The following LRMDA variants were observed in gnomAD, a reference collection of about 807,000 sequenced individuals.
The protein encoded by LRMDA is leucine-rich melanocyte differentiation-associated protein.
Under a neutral mutation model 29.8 loss-of-function variants are expected in LRMDA, and 18 were observed. The ratio of observed to expected loss-of-function variants is 0.60; its 90% CI spans 0.42 to 0.90. The LOEUF is 0.90. LRMDA is among the 40% of genes least tolerant of loss of function. The pLI, the probability that LRMDA is intolerant of heterozygous loss-of-function variation, is 0.00. For synonymous variants in LRMDA, 125 were observed against 109.4 expected, an observed-to-expected ratio of 1.14 and a Z score of -0.89; for missense variants, 273 against 273.9, an observed-to-expected ratio of 1.00 and a Z score of 0.02.
chr10:75,768,842 G>A (rs1027542460), intron 2 of LRMDA, among the ~76,000 whole-genome samples: 1 of 152,128 alleles, frequency 6.6e-6, no homozygotes, highest in African/African-American at 2.4e-5. Context: ...TATAATTGAG[G>A]TGCAAAGTAA....
At chr10:75,815,516 T>C (rs1274600493) in intron 2 of LRMDA, among the ~76,000 whole-genome samples, 1 of 152,200 alleles carries the variant, frequency 6.6e-6, no homozygotes, top group Non-Finnish European at 1.5e-5. Flanking sequence ...CAGAAGTGAT[T>C]TGTGTCACTT....
chr10:76,488,119 G>T (rs1359294644), intron 6 of LRMDA, among the ~76,000 whole-genome samples: 1 of 151,530 alleles, frequency 6.6e-6, no homozygotes, highest in Admixed American at 6.6e-5. Context: ...CTTATTTTTG[G>T]AGATCTTCAT....
intron 2 of LRMDA, among the ~76,000 whole-genome samples, chr10:75,673,531 C>T (rs1841925852): frequency 6.6e-6 from 1 of 152,150 alleles, no homozygotes; most frequent in East Asian, 1.9e-4. Flanking sequence ...CCCAGGAGAC[C>T]TGGACCCTGT....
At chr10:76,175,767 A>G (rs906633802) in intron 5 of LRMDA, among the ~76,000 whole-genome samples, 15 of 152,198 alleles carry the variant, frequency 9.9e-5, no homozygotes, top group Non-Finnish European at 1.6e-4. Context: ...CAAACAATCT[A>G]TCTCGGAGAC....
intron 5 of LRMDA, among the ~76,000 whole-genome samples, chr10:76,089,935 C>T (rs1009098711): frequency 4.6e-5 from 7 of 152,212 alleles, no homozygotes; most frequent in African/African-American, 1.7e-4. Context: ...CGTGAGCCAA[C>T]GCCCACGGGT....
intron 2 of LRMDA, among the ~76,000 whole-genome samples, chr10:75,984,733 C>T (rs1232327001): frequency 2.0e-5 from 3 of 152,208 alleles, no homozygotes; most frequent in African/African-American, 7.2e-5. Context: ...TTCTCAATTC[C>T]TGGGGATGCG....
chr10:75,805,308 G>A (rs1843832264), intron 2 of LRMDA, among the ~76,000 whole-genome samples: 2 of 152,204 alleles, frequency 1.3e-5, no homozygotes, highest in African/African-American at 4.8e-5. Flanking sequence ...GGAATTCAAA[G>A]GCCAAGCTGC....
chr10:76,008,206 A>G (rs2132476640), intron 2 of LRMDA, among the ~76,000 whole-genome samples: 1 of 152,308 alleles, frequency 6.6e-6, no homozygotes, highest in Non-Finnish European at 1.5e-5. Flanking sequence ...TAGACTGTCA[A>G]AATGGTTCTT....
At chr10:76,288,398 C>T (rs569549908) in intron 5 of LRMDA, among the ~76,000 whole-genome samples, 22 of 152,254 alleles carry the variant, frequency 1.4e-4, no homozygotes, top group African/African-American at 5.3e-4. Flanking sequence ...AAATGCCCAT[C>T]AACAGTAGAC....
intron 4 of LRMDA, among the ~76,000 whole-genome samples, chr10:76,053,059 C>G (rs1224339966): frequency 6.6e-6 from 1 of 152,188 alleles, no homozygotes; most frequent in Non-Finnish European, 1.5e-5. Flanking sequence ...TTTATGATGG[C>G]TGCCTTCTGT....
intron 2 of LRMDA, among the ~76,000 whole-genome samples, chr10:75,510,098 CT>C (rs1845210454): frequency 6.6e-6 from 1 of 152,216 alleles, no homozygotes; most frequent in East Asian, 1.9e-4. Flanking sequence ...AATCACTGAG[CT>C]TTGCATTTCC....
chr10:75,724,381 A>G (rs988214207), intron 2 of LRMDA, among the ~76,000 whole-genome samples: 1 of 152,190 alleles, frequency 6.6e-6, no homozygotes, highest in Non-Finnish European at 1.5e-5. Context: ...TAACTTTTCC[A>G]TTTTCCTGAC....
chr10:75,644,453 T>A (rs1168188456), intron 2 of LRMDA, among the ~76,000 whole-genome samples: 1 of 152,234 alleles, frequency 6.6e-6, no homozygotes, highest in Non-Finnish European at 1.5e-5. Flanking sequence ...AAATGAATCA[T>A]AGCACAATTT....
At chr10:75,543,690 T>G (rs1840046065) in intron 2 of LRMDA, among the ~76,000 whole-genome samples, 1 of 152,202 alleles carries the variant, frequency 6.6e-6, no homozygotes, top group African/African-American at 2.4e-5. Context: ...TTTTAAATTC[T>G]CCAAAGATTT....
intron 2 of LRMDA, among the ~76,000 whole-genome samples, chr10:75,795,953 G>A (rs2132256493): frequency 6.6e-6 from 1 of 151,884 alleles, no homozygotes; most frequent in South Asian, 2.1e-4. Context: ...TTATTACTTT[G>A]TTTCTGATGC....
chr10:76,487,536 T>C (rs1842794342), intron 6 of LRMDA, among the ~76,000 whole-genome samples: 1 of 151,872 alleles, frequency 6.6e-6, no homozygotes, highest in Admixed American at 6.6e-5. Context: ...AAGTAAACTC[T>C]AGATGATTTA....
intron 2 of LRMDA, among the ~76,000 whole-genome samples, chr10:75,470,125 AC>A (rs1447827030): frequency 3.9e-5 from 6 of 152,096 alleles, no homozygotes; most frequent in African/African-American, 1.4e-4. Context: ...CAGGTCAGAA[AC>A]CCTTTTGTAT....
At chr10:76,096,184 A>T (rs1467386224) in intron 5 of LRMDA, among the ~76,000 whole-genome samples, 1 of 152,170 alleles carries the variant, frequency 6.6e-6, no homozygotes, top group Non-Finnish European at 1.5e-5. Flanking sequence ...GTATCTAACA[A>T]GTCTTGGCTA....
intron 2 of LRMDA, among the ~76,000 whole-genome samples, chr10:76,003,520 GACGTTAC>G (rs1251616535): frequency 6.6e-6 from 1 of 152,180 alleles, no homozygotes; most frequent in Non-Finnish European, 1.5e-5. Context: ...GTCTCATAAA[GACGTTAC>G]ACGTTGGAGG....
Sources: gnomAD v4.1 joint callset for allele counts (sites outside exome capture counted in the v4.1 genomes callset) on GRCh38, gnomAD v4.1.1 for gene constraint, MANE v1.5 for transcripts, NCBI Gene and HGNC (gene_info 2026-07-23, HGNC 2026-07-21) for gene names.